PCDH11Y: variants seen among roughly 807,000 people sequenced by gnomAD.
PCDH11Y encodes the protein protocadherin-11 Y-linked.
For synonymous variants in PCDH11Y, 9 were observed against 83.6 expected (o/e 0.11, Z 4.87); for missense variants, 12 against 224.8 (o/e 0.05, Z 6.05).
downstream of PCDH11Y, among the ~76,000 whole-genome samples, chrY:5,107,923 G>T (rs2052794452): frequency 6.3e-5 from 2 of 31,805 alleles, no homozygotes; most frequent in Admixed American, 2.9e-4. Context: ...GCCGGGCGTG[G>T]TGGCGGGCGC....
intron 3 of PCDH11Y, among the ~76,000 whole-genome samples, chrY:5,542,103 G>A (rs1602940729): frequency 3.1e-5 from 1 of 32,340 alleles, no homozygotes; most frequent in African/African-American, 1.2e-4. Flanking sequence ...TGTACCAGAT[G>A]TGATGCCTTA....
chrY:5,003,722 G>C, intron 1 of PCDH11Y, among the ~76,000 whole-genome samples: 3 of 33,722 alleles, frequency 8.9e-5, no homozygotes, highest in Non-Finnish European at 1.5e-4. Context: ...TCCCTTTTGA[G>C]CTTGCTCTTA....
At chrY:5,306,473 T>A in intron 2 of PCDH11Y, among the ~76,000 whole-genome samples, 1 of 33,501 alleles carries the variant, frequency 3.0e-5, no homozygotes, top group African/African-American at 1.2e-4. Context: ...TGTTGTTTTA[T>A]AAATACTGAA....
intron 2 of PCDH11Y, among the ~76,000 whole-genome samples, chrY:5,285,761 T>C: frequency 3.0e-5 from 1 of 33,711 alleles, no homozygotes; most frequent in Admixed American, 2.7e-4. Context: ...GTTTGATTTT[T>C]GCTCATTAAT....
At chrY:5,044,766 C>CA (rs2124625132) in intron 3 of PCDH11Y, among the ~76,000 whole-genome samples, 2 of 32,602 alleles carry the variant, frequency 6.1e-5, no homozygotes, top group South Asian at 1.4e-3. Flanking sequence ...GTAGGCCACT[C>CA]AGGACTTGCT....
chrY:5,627,301 A>G (rs2053508038), intron 4 of PCDH11Y, among the ~76,000 whole-genome samples: 2 of 32,982 alleles, frequency 6.1e-5, no homozygotes, highest in African/African-American at 2.4e-4. Context: ...AGTCAGATTA[A>G]TTAAATTTTA....
At chrY:5,295,975 CT>C (rs2053074031) in intron 2 of PCDH11Y, among the ~76,000 whole-genome samples, 2 of 33,316 alleles carry the variant, frequency 6.0e-5, no homozygotes, top group African/African-American at 2.4e-4. Flanking sequence ...CTCAAAACAG[CT>C]TTTTTGAATT....
chrY:5,338,895 C>T, intron 2 of PCDH11Y: 2 of 296,169 alleles, frequency 6.8e-6, no homozygotes, highest in Non-Finnish European at 1.0e-5. Context: ...CAGTTACTCT[C>T]AATGACGCAT....
chrY:5,179,411 C>G, intron 2 of PCDH11Y, among the ~76,000 whole-genome samples: 4 of 33,459 alleles, frequency 1.2e-4, no homozygotes, highest in Non-Finnish European at 3.0e-4. Context: ...TGTTTTTTAC[C>G]TACATGTATG....
intron 4 of PCDH11Y, among the ~76,000 whole-genome samples, chrY:5,629,072 C>T (rs1602954025): frequency 8.9e-5 from 3 of 33,590 alleles, no homozygotes; most frequent in Middle Eastern, 0.014. Flanking sequence ...CTCACTGGAG[C>T]CTTAATATCT....
intron 2 of PCDH11Y, among the ~76,000 whole-genome samples, chrY:5,417,289 C>T: frequency 3.5e-5 from 1 of 28,509 alleles, no homozygotes; most frequent in Admixed American, 3.4e-4. Context: ...GAAACAAACT[C>T]GAAGCAGAAT....
intron 2 of PCDH11Y, among the ~76,000 whole-genome samples, chrY:5,179,807 A>T (rs2052898181): frequency 3.0e-5 from 1 of 33,452 alleles, no homozygotes; most frequent in Non-Finnish European, 7.4e-5. Context: ...TGTAAGGTGT[A>T]AGGAAAAAGT....
At chrY:5,067,416 T>A in intron 1 of PCDH11Y, among the ~76,000 whole-genome samples, 1 of 33,235 alleles carries the variant, frequency 3.0e-5, no homozygotes, top group African/African-American at 1.2e-4. Flanking sequence ...TGTAATCTCA[T>A]TGTAACTATG....
At chrY:5,094,063 T>A (rs2052746152) in intron 1 of PCDH11Y, among the ~76,000 whole-genome samples, 1 of 33,716 alleles carries the variant, frequency 3.0e-5, no homozygotes, top group African/African-American at 1.1e-4. Flanking sequence ...TTCAGGGTAG[T>A]GCAGGTCAAT....
At chrY:5,639,122 A>C (rs2124704861) in intron 4 of PCDH11Y, among the ~76,000 whole-genome samples, 8 of 31,844 alleles carry the variant, frequency 2.5e-4, no homozygotes, top group Admixed American at 1.5e-3. Flanking sequence ...TGGTTGAAAA[A>C]TAATACTGAC....
chrY:5,397,382 A>G, intron 2 of PCDH11Y, among the ~76,000 whole-genome samples: 1 of 30,801 alleles, frequency 3.2e-5, no homozygotes, highest in Non-Finnish European at 7.8e-5. Context: ...GTCTTCAAAT[A>G]GAGATAGTCT....
intron 3 of PCDH11Y, among the ~76,000 whole-genome samples, chrY:5,540,158 T>G: frequency 3.1e-5 from 1 of 32,464 alleles, no homozygotes; most frequent in African/African-American, 1.2e-4. Flanking sequence ...CTTCCTCCAG[T>G]TTCAGCTTTA....
chrY:5,432,834 C>T (rs1602924567), intron 2 of PCDH11Y, among the ~76,000 whole-genome samples: 1 of 33,261 alleles, frequency 3.0e-5, no homozygotes. Flanking sequence ...ATCTCAATAA[C>T]TGTTTCACTA....
intron 2 of PCDH11Y, among the ~76,000 whole-genome samples, chrY:5,451,844 C>T: frequency 3.0e-5 from 1 of 32,818 alleles, no homozygotes; most frequent in Admixed American, 2.8e-4. Flanking sequence ...TTGGAGTAAC[C>T]AGGTCTTGAT....
Sources: allele counts gnomAD v4.1 joint callset (sites outside exome capture counted in the v4.1 genomes callset), GRCh38; gene constraint gnomAD v4.1.1; transcripts MANE v1.5; gene names NCBI Gene and HGNC (gene_info 2026-07-23, HGNC 2026-07-21).